STAT4: variants seen among roughly 807,000 people sequenced by gnomAD.
STAT4 encodes signal transducer and activator of transcription 4.
In STAT4, 42 loss-of-function variants were observed where a neutral mutation model predicts 110.5. The ratio of observed to expected loss-of-function variants is 0.38; its 90% CI spans 0.30 to 0.49. The LOEUF (loss-of-function observed/expected upper bound fraction) is 0.49, where lower values mean the gene tolerates loss of function less well. Ranked by LOEUF, STAT4 falls within the 20% of genes least tolerant of loss-of-function variation. The pLI, the probability that STAT4 is intolerant of heterozygous loss-of-function variation, is 0.95. For missense variants in STAT4, 632 were observed against 887.9 expected (o/e 0.71, Z 3.66); for synonymous variants, 284 against 302.2 (o/e 0.94, Z 0.63).
In STAT4 at chr2:191,031,639, G is replaced by A. The variant is rs961310005; in HGVS notation, c.2045-123C>T. 3.7e-5 allele frequency: 27 copies of A among 723,114 alleles called. No homozygotes were observed. Among genetic ancestry groups the A allele is most frequent in the African/African-American group, 7.2e-5 (4 of 55,856 alleles). The allele number at this position is 723,114 out of a possible 1,614,324, so 44.8% of individuals were successfully genotyped here. A position where few individuals can be genotyped will look rare whatever the true frequency, so the allele number is the denominator to read the frequency against. ...AGGAAGAGAGATAACGCAGTTGTTC[G>A]GTGATACACAGAAATGTTTTGTTAA... On this transcript the variant is annotated intron_variant, in intron 21 of 23. Transcript: ENST00000392320. The surrounding 1 kb of genome is among the most constrained non-coding windows in gnomAD (Gnocchi z 4.8).
intron 3 of STAT4, among the ~76,000 whole-genome samples, chr2:191,092,175 G>T (rs532863248): frequency 3.9e-5 from 6 of 152,274 alleles, no homozygotes; most frequent in South Asian, 2.1e-4. Flanking sequence ...GGAGGTTGAG[G>T]GGGGCAGATC....
At chr2:191,139,979 A>T (rs1699279036) in intron 3 of STAT4, among the ~76,000 whole-genome samples, 1 of 152,218 alleles carries the variant, frequency 6.6e-6, no homozygotes, top group Non-Finnish European at 1.5e-5. Flanking sequence ...TCTTCGACAA[A>T]GCATGCAAAA....
rs771192197 is a variant in STAT4, at chr2:191,033,529, C to A, written c.1813G>T (p.Gly605Ter). The change falls in exon 20 of 24, where the codon GGA becomes TGA. Residue 605 changes from glycine (G) to a stop codon, truncating the protein, a stop_gained. Coordinates refer to ENST00000392320, the MANE Select transcript of STAT4 (RefSeq NM_003151.4). LOFTEE classifies it high-confidence loss of function. This position sits in a 1 kb window ranked among gnomAD's most constrained non-coding sequence, Gnocchi z 6.9. ...TCCACCCAGGTGAAAGTTATTCCTC[C>A]GAGATGGCTTTCACTGAATCTTAAT... ...FLLRFSESHLGGITFTWVDHS... is the reference protein window; with the variant it reads ...FLLRFSESHL 6.2e-7 allele frequency: 1 copy of A among 1,613,940 alleles called. No homozygotes were observed. The highest frequency in any genetic ancestry group is 8.5e-7 in the Non-Finnish European group (1 of 1,180,030).
chr2:191,064,695 A>G (rs1055007661), intron 8 of STAT4, 112 bp downstream of exon 8: 2 of 1,314,918 alleles, frequency 1.5e-6, no homozygotes, highest in Non-Finnish European at 1.0e-6. Flanking sequence ...TAAGCCATCA[A>G]TAAACTGAAT....
intron 14 of STAT4, among the ~76,000 whole-genome samples, chr2:191,045,574 G>C (rs943594566): frequency 6.6e-6 from 1 of 152,150 alleles, no homozygotes; most frequent in African/African-American, 2.4e-5. Context: ...TGAAAAGAAA[G>C]GAAGGTCAAC....
intron 6 of STAT4, chr2:191,068,148 T>C (rs1445229803): frequency 6.6e-6 from 1 of 152,158 alleles, no homozygotes; most frequent in Non-Finnish European, 1.5e-5. Flanking sequence ...AAAATAAATA[T>C]TTGTGGATTC....
chr2:191,070,424 G>C (rs550153069), intron 5 of STAT4, among the ~76,000 whole-genome samples: 1 of 152,162 alleles, frequency 6.6e-6, no homozygotes, highest in East Asian at 1.9e-4. Context: ...TTTTACAGAG[G>C]AAGAAGCAGA....
At position 191,030,459 on chromosome 2, in the gene STAT4, G is replaced by A. The variant is rs1392546368; in HGVS notation, c.2220+513C>T. Among the ~76,000 whole-genome samples, 2 of 152,160 alleles carry A rather than the reference G, an allele frequency of 1.3e-5. No individual in the cohort carries two copies. Among genetic ancestry groups the A allele is most frequent in the Non-Finnish European group, 2.9e-5 (2 of 68,032 alleles). ...AAAAGGAGAGCATTATTATGCCATT[G>A]ACTGTTATTCATATATTATTGATGA... is the stretch of plus-strand genomic sequence containing the variant. On this transcript the variant is annotated intron_variant, in intron 23 of 23. Coordinates refer to ENST00000392320, the MANE Select transcript of STAT4 (RefSeq NM_003151.4). The surrounding 1 kb of genome is among the most constrained non-coding windows in gnomAD (Gnocchi z 4.4).
chr2:191,039,175 A>C lies in STAT4; in HGVS notation c.1434+24T>G. 9 of 1,600,416 alleles carry C rather than the reference A, an allele frequency of 5.6e-6. No individual in the cohort carries two copies. The highest frequency in any genetic ancestry group is 6.0e-6 in the Non-Finnish European group (7 of 1,167,500). On this transcript the variant is annotated intron_variant, in intron 16 of 23. Transcript: ENST00000392320. The surrounding 1 kb of genome is among the most constrained non-coding windows in gnomAD (Gnocchi z 4.7). ...AAAACAAATCGAATAGCATTAAAGA[A>C]GTTGAGGTAGAAATAGAGTCTACCT...
At position 191,060,115 on chromosome 2, in the gene STAT4, G is replaced by C. The variant is rs756348338; in HGVS notation, c.1035-1346C>G. Among the ~76,000 whole-genome samples the C allele has an allele frequency of 1.3e-5, 2 of 152,204 alleles. No homozygotes were observed. Among genetic ancestry groups the C allele is most frequent in the African/African-American group, 4.8e-5 (2 of 41,452 alleles). On this transcript the variant is annotated intron_variant, in intron 10 of 23. Transcript: ENST00000392320. The surrounding 1 kb of genome is among the most constrained non-coding windows in gnomAD (Gnocchi z 4.5). ...ACCCAATAGGTAGAAGAGGAAGACA[G>C]AGCCTTCAACCAGGGGCTAATGTTC...
chr2:191,110,916 C>T lies in STAT4; in HGVS notation c.274-34591G>A, dbSNP rs370484387. Among the ~76,000 whole-genome samples the T allele has an allele frequency of 2.6e-5, 4 of 151,910 alleles. No homozygotes were observed. Among genetic ancestry groups the T allele is most frequent in the South Asian group, 2.1e-4 (1 of 4,804 alleles). On this transcript the variant is annotated intron_variant, in intron 3 of 23. Coordinates refer to ENST00000392320, the MANE Select transcript of STAT4 (RefSeq NM_003151.4). The surrounding 1 kb of genome is among the most constrained non-coding windows in gnomAD (Gnocchi z 4.5). ...CCCCTGCCTCAGCCTCCTGAGTTGC[C>T]GGGATTACAGGTGGGTGACACCAGG...
At chr2:191,103,791 A>G (rs960333150) in intron 3 of STAT4, among the ~76,000 whole-genome samples, 1 of 152,112 alleles carries the variant, frequency 6.6e-6, no homozygotes, top group Non-Finnish European at 1.5e-5. Context: ...TCCCTTTTTC[A>G]TATTATTTTA....
At chr2:191,134,145 T>C (rs1276051848) in intron 3 of STAT4, among the ~76,000 whole-genome samples, 1 of 152,196 alleles carries the variant, frequency 6.6e-6, no homozygotes, top group East Asian at 1.9e-4. Flanking sequence ...AACCTGCTGC[T>C]ACAACCACAG....
chr2:191,097,253 A>G (rs1698015111), intron 3 of STAT4, among the ~76,000 whole-genome samples: 1 of 152,284 alleles, frequency 6.6e-6, no homozygotes, highest in African/African-American at 2.4e-5. Flanking sequence ...CTTTTTTCAC[A>G]GAATTGGAAA....
In STAT4 at chr2:191,144,148, C is replaced by T. The variant is rs1327206244; in HGVS notation, c.273+2465G>A. On this transcript the variant is annotated intron_variant, in intron 3 of 23. Coordinates refer to ENST00000392320, the MANE Select transcript of STAT4 (RefSeq NM_003151.4). This position sits in a 1 kb window ranked among gnomAD's most constrained non-coding sequence, Gnocchi z 4.7. ...AGTACTGAGGGTGAGGGAGGGGGGT[C>T]AGAAAAGGAGATCAGCCTTTTACCC... Among the ~76,000 whole-genome samples the T allele has an allele frequency of 6.6e-6, 1 of 151,832 alleles. No individual in the cohort carries two copies. The highest frequency in any genetic ancestry group is 1.5e-5 in the Non-Finnish European group (1 of 67,994).
chr2:191,084,260 T>TA (rs71030321), intron 3 of STAT4, among the ~76,000 whole-genome samples: 12,588 of 141,770 alleles, frequency 0.089, 572 homozygotes, highest in South Asian at 0.19. Flanking sequence ...AGACTCCGTC[T>TA]AAAAAAAAAA....
chr2:191,060,845 A>G lies in STAT4; in HGVS notation c.1034+884T>C, dbSNP rs1480596894. Among the ~76,000 whole-genome samples the G allele has an allele frequency of 6.6e-6, 1 of 152,232 alleles. No homozygotes were observed. Among genetic ancestry groups the G allele is most frequent in the Non-Finnish European group, 1.5e-5 (1 of 68,040 alleles). On this transcript the variant is annotated intron_variant, in intron 10 of 23. Coordinates refer to ENST00000392320, the MANE Select transcript of STAT4 (RefSeq NM_003151.4). The surrounding 1 kb of genome is among the most constrained non-coding windows in gnomAD (Gnocchi z 4.5). ...TGTCTTAAAAATGCAAACCGAAGAC[A>G]AATGCCTTCTCTTTAAAAATGGAGT...
At position 191,037,981 on chromosome 2, in the gene STAT4, A is replaced by T. The variant is rs1318892680; in HGVS notation, c.1434+1218T>A. Among the ~76,000 whole-genome samples the T allele has an allele frequency of 6.6e-6, 1 of 152,168 alleles. No homozygotes were observed. The highest frequency in any genetic ancestry group is 1.5e-5 in the Non-Finnish European group (1 of 68,028). ...AGCTGTATATTATCTATAGCTCTAG[A>T]TTCTCATCCTAGAGCCATGTAAATT... is the stretch of plus-strand genomic sequence containing the variant. On this transcript the variant is annotated intron_variant, in intron 16 of 23. Transcript: ENST00000392320. This position sits in a 1 kb window ranked among gnomAD's most constrained non-coding sequence, Gnocchi z 4.8.
rs1696809960 is a variant in STAT4, at chr2:191,060,189, G to A, written c.1035-1420C>T. Among the ~76,000 whole-genome samples the A allele has an allele frequency of 6.6e-6, 1 of 152,102 alleles. No homozygotes were observed. The highest frequency in any genetic ancestry group is 2.4e-5 in the African/African-American group (1 of 41,410). On this transcript the variant is annotated intron_variant, in intron 10 of 23. Coordinates refer to ENST00000392320, the MANE Select transcript of STAT4 (RefSeq NM_003151.4). This position sits in a 1 kb window ranked among gnomAD's most constrained non-coding sequence, Gnocchi z 4.5. ...ACAACATGCAAGTGGTGCTGATTCA[G>A]AGTGCCTCTTCCACTTAGAATTTTT...
Sources: allele counts gnomAD v4.1 joint callset (sites outside exome capture counted in the v4.1 genomes callset), GRCh38; gene constraint gnomAD v4.1.1; non-coding constraint Gnocchi (gnomAD v3.1); transcripts MANE v1.5; gene names NCBI Gene and HGNC (gene_info 2026-07-23, HGNC 2026-07-21).